The following GABRG3 variants were observed in gnomAD, a reference collection of about 807,000 sequenced individuals.
GABRG3 encodes the protein gamma-aminobutyric acid receptor subunit gamma-3.
GABRG3 carries 25 observed loss-of-function variants against 48.8 expected under a neutral mutation model. The observed-to-expected ratio is 0.51, with a 90% CI of 0.37 to 0.72. The LOEUF (loss-of-function observed/expected upper bound fraction) is 0.72. GABRG3 is among the 30% of genes least tolerant of loss of function. The pLI, the probability that GABRG3 is intolerant of heterozygous loss-of-function variation, is 0.00. For synonymous variants in GABRG3, 227 were observed against 217.6 expected, an observed-to-expected ratio of 1.04 and a Z score of -0.38; for missense variants, 394 against 577.9, an observed-to-expected ratio of 0.68 and a Z score of 3.26.
Position 27,328,876 on chromosome 15 carries a change from A to G in GABRG3, c.562A>G (p.Ile188Val). The change falls in exon 5 of 10, where the codon ATT becomes GTT. Residue 188 changes from isoleucine (I) to valine (V), a missense_variant. Around this residue, in one of 3 missense-constraint regions of GABRG3, gnomAD observed 218 missense variants for 309.9 expected, o/e 0.70. Coordinates refer to ENST00000615808, the MANE Select transcript of GABRG3 (RefSeq NM_033223.5). Reference sequence around the variant, plus strand: ...CATGGACGAACACTCCTGCCCGCTGATTTTCTCCAGCTGTGAGTACCAGTC... The same window carrying G: ...CATGGACGAACACTCCTGCCCGCTGGTTTTCTCCAGCTGTGAGTACCAGTC... ...FPMDEHSCPL[I>V]FSSYGYPKEE... 1 of 1,613,896 alleles carries G rather than the reference A, an allele frequency of 6.2e-7. No homozygotes were observed. The highest frequency in any genetic ancestry group is 1.3e-5 in the African/African-American group (1 of 75,024).
intron 3 of GABRG3, among the ~76,000 whole-genome samples, chr15:27,299,768 T>C (rs896084677): frequency 6.6e-6 from 1 of 152,142 alleles, no homozygotes; most frequent in Non-Finnish European, 1.5e-5. Context: ...TCTCTCTGCG[T>C]CTTTCCTCAC....
intron 3 of GABRG3, among the ~76,000 whole-genome samples, chr15:27,063,750 G>T (rs367872393): frequency 3.9e-5 from 6 of 152,294 alleles, no homozygotes; most frequent in African/African-American, 1.4e-4. Context: ...GGGTTGCCCT[G>T]CAGCCTGGCG....
chr15:27,500,121 G>A (rs1000227633), intron 6 of GABRG3, among the ~76,000 whole-genome samples: 6 of 152,186 alleles, frequency 3.9e-5, no homozygotes, highest in African/African-American at 1.4e-4. Context: ...GATTTGAGCT[G>A]GGCAGAGAGT....
At chr15:27,279,173 A>T (rs1259158566) in intron 3 of GABRG3, among the ~76,000 whole-genome samples, 1 of 152,024 alleles carries the variant, frequency 6.6e-6, no homozygotes. Context: ...TATATTCTAG[A>T]TATGTGGTCT....
At chr15:27,393,024 G>T (rs1272813270) in intron 5 of GABRG3, among the ~76,000 whole-genome samples, 1 of 151,972 alleles carries the variant, frequency 6.6e-6, no homozygotes, top group Admixed American at 6.6e-5. Flanking sequence ...AAGAGCCCCG[G>T]TTCATTTCAG....
intron 3 of GABRG3, among the ~76,000 whole-genome samples, chr15:27,033,563 A>C (rs144663325): frequency 6.6e-6 from 1 of 152,052 alleles, no homozygotes; most frequent in Non-Finnish European, 1.5e-5. Context: ...TCTAGGGTCC[A>C]TTGTTTTCAG....
rs763846042 is a variant in GABRG3, at chr15:27,085,773, G to A, written c.270+58952G>A. 7.2e-5 allele frequency among the ~76,000 whole-genome samples: 11 copies of A among 152,110 alleles called. No homozygotes were observed. The South Asian group carries it at 1.2e-3, about 17-fold the overall frequency. ...TCAGTTAATTTGAAAATATCAAAAT[G>A]CTAATTTTAAAATACAATAAAAATT... is the stretch of plus-strand genomic sequence containing the variant. On this transcript the variant is annotated intron_variant, in intron 3 of 9. Transcript: ENST00000615808.
chr15:27,398,810 G>A (rs1265129751), intron 5 of GABRG3, among the ~76,000 whole-genome samples: 4 of 152,264 alleles, frequency 2.6e-5, no homozygotes, highest in South Asian at 2.1e-4. Flanking sequence ...AAGATAGAAC[G>A]CAGTAGTCCT....
At chr15:27,349,449 G>A (rs1027121223) in intron 5 of GABRG3, among the ~76,000 whole-genome samples, 2 of 152,132 alleles carry the variant, frequency 1.3e-5, no homozygotes, top group Non-Finnish European at 2.9e-5. Flanking sequence ...TCTTCGAAGA[G>A]ACACTCTTCT....
At chr15:26,978,021 A>G (rs1894984638) in intron 2 of GABRG3, among the ~76,000 whole-genome samples, 1 of 152,168 alleles carries the variant, frequency 6.6e-6, no homozygotes, top group Non-Finnish European at 1.5e-5. Context: ...CTGCTCTAAT[A>G]GGTATATATT....
chr15:27,131,457 T>C (rs1448311090), intron 3 of GABRG3, among the ~76,000 whole-genome samples: 2 of 152,082 alleles, frequency 1.3e-5, no homozygotes, highest in Non-Finnish European at 2.9e-5. Context: ...TTCAGGATTC[T>C]TGTATCAGTA....
At chr15:27,082,229 A>T (rs1163506132) in intron 3 of GABRG3, among the ~76,000 whole-genome samples, 1 of 152,180 alleles carries the variant, frequency 6.6e-6, no homozygotes, top group African/African-American at 2.4e-5. Flanking sequence ...GCACAAAAAC[A>T]CTGTGGAAAA....
intron 1 of GABRG3, among the ~76,000 whole-genome samples, chr15:26,972,246 C>T (rs1224195787): frequency 6.6e-6 from 1 of 152,186 alleles, no homozygotes; most frequent in Non-Finnish European, 1.5e-5. Context: ...AATAAGGCTT[C>T]TGCCTGGTAA....
intron 3 of GABRG3, among the ~76,000 whole-genome samples, chr15:27,088,742 C>T (rs550748843): frequency 2.6e-5 from 4 of 152,194 alleles, no homozygotes; most frequent in African/African-American, 9.6e-5. Context: ...TGGGGGAAAC[C>T]GTCCCCAAAA....
chr15:27,409,931 T>C (rs1379800245), intron 5 of GABRG3, among the ~76,000 whole-genome samples: 2 of 152,200 alleles, frequency 1.3e-5, no homozygotes, highest in Non-Finnish European at 2.9e-5. Flanking sequence ...TTCCTTTTTA[T>C]GCCTGATTAT....
intron 3 of GABRG3, among the ~76,000 whole-genome samples, chr15:27,313,625 C>T (rs1157398141): frequency 6.6e-6 from 1 of 151,710 alleles, no homozygotes; most frequent in East Asian, 1.9e-4. Context: ...AATGAAATCA[C>T]ACCAAATATA....
At chr15:27,396,337 G>A (rs142127659) in intron 5 of GABRG3, among the ~76,000 whole-genome samples, 1 of 152,208 alleles carries the variant, frequency 6.6e-6, no homozygotes, top group Admixed American at 6.5e-5. Context: ...ATAAAAAAAT[G>A]GTAAAAGAGT....
intron 7 of GABRG3, among the ~76,000 whole-genome samples, chr15:27,520,555 C>T (rs1296519928): frequency 6.7e-6 from 1 of 149,388 alleles, no homozygotes; most frequent in Non-Finnish European, 1.5e-5. Flanking sequence ...GCAACTTTAT[C>T]AGCAAACGAG....
At chr15:27,050,445 T>C (rs1896437965) in intron 3 of GABRG3, among the ~76,000 whole-genome samples, 1 of 151,916 alleles carries the variant, frequency 6.6e-6, no homozygotes, top group African/African-American at 2.4e-5. Context: ...ACCTGGGAGG[T>C]GGCAGGGCAG....
Sources: gnomAD v4.1 joint callset for allele counts (sites outside exome capture counted in the v4.1 genomes callset) on GRCh38, gnomAD v4.1.1 for gene constraint, gnomAD v4.1.1 regional missense constraint, MANE v1.5 for transcripts, NCBI Gene and HGNC (gene_info 2026-07-23, HGNC 2026-07-21) for gene names.